Variants in ITGB5 observed in about 807,000 individuals in gnomAD.
ITGB5 encodes integrin subunit beta 5.
ITGB5 carries 38 observed loss-of-function variants against 84.8 expected under a neutral mutation model. That is an observed-to-expected ratio of 0.45 (90% CI 0.35 to 0.59). The LOEUF (loss-of-function observed/expected upper bound fraction) is 0.59. Ranked by LOEUF, ITGB5 falls within the 20% of genes least tolerant of loss-of-function variation. The pLI, the probability that ITGB5 is intolerant of heterozygous loss-of-function variation, is 0.01. For synonymous variants in ITGB5, 393 were observed against 414.4 expected (o/e 0.95, Z 0.63); for missense variants, 905 against 1,034.5 (o/e 0.87, Z 1.72).
rs866002706 is a variant in ITGB5 at position 124,796,547 on chromosome 3, G to T, written c.1534C>A (p.Leu512Met). Residue 512 changes from leucine to methionine, a missense_variant, in exon 10 of 15, where the codon CTG becomes ATG. By Grantham distance (15) the Leu-to-Met change is conservative. Around this residue, in one of 3 missense-constraint regions of ITGB5, gnomAD observed 656 missense variants for 734.7 expected, o/e 0.89. Coordinates refer to ENST00000296181, the MANE Select transcript of ITGB5 (RefSeq NM_002213.5). The part of the protein sequence containing the change: ...DGENQSVYQN[L>M]CREAEGKPLC... ...GGCTTGCCCTCTGCCTCCCGGCACA[G>T]GTTCTGGTACACGCTCTGGTTCTCC... The T allele has an allele frequency of 6.2e-7, 1 of 1,614,138 alleles. No individual in the cohort carries two copies. The highest frequency in any genetic ancestry group is 1.3e-5 in the African/African-American group (1 of 75,070).
At chr3:124,784,487 G>A (rs1285366741) in intron 10 of ITGB5, among the ~76,000 whole-genome samples, 7 of 152,204 alleles carry the variant, frequency 4.6e-5, no homozygotes, top group Admixed American at 3.3e-4. Context: ...GAGACAGTGA[G>A]ACCCTATCTC....
intron 9 of ITGB5, among the ~76,000 whole-genome samples, chr3:124,800,003 C>A (rs992097171): frequency 2.0e-5 from 3 of 152,192 alleles, no homozygotes; most frequent in Non-Finnish European, 2.9e-5. Flanking sequence ...CCCGTGGGGC[C>A]ATCAAGAATG....
At chr3:124,898,252 AG>A (rs764075589) in intron 1 of ITGB5, among the ~76,000 whole-genome samples, 4 of 151,464 alleles carry the variant, frequency 2.6e-5, no homozygotes, top group African/African-American at 7.3e-5. Context: ...TGTGGATAAC[AG>A]CAGCAAAAAA....
At chr3:124,876,259 C>T (rs1435699986) in intron 1 of ITGB5, among the ~76,000 whole-genome samples, 1 of 151,700 alleles carries the variant, frequency 6.6e-6, no homozygotes, top group Admixed American at 6.6e-5. Flanking sequence ...ATATCATATA[C>T]TGTAAATATA....
intron 10 of ITGB5, among the ~76,000 whole-genome samples, chr3:124,784,786 A>T (rs1219048186): frequency 1.3e-5 from 2 of 152,250 alleles, no homozygotes; most frequent in African/African-American, 4.8e-5. Flanking sequence ...CCTGGCAGGC[A>T]CTTCTGGGGA....
At chr3:124,778,560 G>A (rs2063957459) in intron 10 of ITGB5, among the ~76,000 whole-genome samples, 1 of 152,222 alleles carries the variant, frequency 6.6e-6, no homozygotes, top group African/African-American at 2.4e-5. Flanking sequence ...CCACAAAGCA[G>A]TGAGGACAGA....
intron 11 of ITGB5, 119 bp from the exon 12 acceptor site, chr3:124,769,232 G>T (rs2063808301): frequency 1.4e-6 from 1 of 723,058 alleles, no homozygotes; most frequent in Non-Finnish European, 2.3e-6. Context: ...AGCTGCAGAT[G>T]TTCAGCCTCA....
intron 13 of ITGB5, among the ~76,000 whole-genome samples, chr3:124,765,079 G>A (rs1337951888): frequency 6.6e-6 from 1 of 152,198 alleles, no homozygotes; most frequent in East Asian, 1.9e-4. Context: ...TGCATCCTAG[G>A]CTGGTACCAC....
intron 10 of ITGB5, chr3:124,792,766 G>A (rs1369993244): frequency 6.6e-6 from 1 of 152,174 alleles, no homozygotes; most frequent in Admixed American, 6.5e-5. Flanking sequence ...GATTGTATGG[G>A]GTGAAGGGAA....
rs746559697 is a variant in ITGB5 at position 124,766,247 on chromosome 3, G to A, written c.2116C>T (p.Leu706=). 4.3e-6 allele frequency: 7 copies of A among 1,613,980 alleles called. No individual in the cohort carries two copies. Among genetic ancestry groups the A allele is most frequent in the Middle Eastern group, 3.3e-4 (2 of 6,058 alleles). ...CTACCTGGCTCCCTGAGGACGGTCAGGTTGGACTTCCCACTGGGGAGCTCC... is the reference window on the plus strand; with the variant it reads ...CTACCTGGCTCCCTGAGGACGGTCAAGTTGGACTTCCCACTGGGGAGCTCC... ...YVELPSGKSN[L]TVLREPECGN... is the part of the protein sequence containing the mutation. The change falls in exon 13 of 15, where the codon CTG becomes TTG. Residue 706 remains leucine (L), a synonymous_variant. Coordinates refer to ENST00000296181, the MANE Select transcript of ITGB5 (RefSeq NM_002213.5).
At chr3:124,773,645 TGGCCTG>T in intron 11 of ITGB5, 39 bp downstream of exon 11, 1 of 1,583,142 alleles carries the variant, frequency 6.3e-7, no homozygotes, top group Non-Finnish European at 8.6e-7. Context: ...ACCACAGGCC[TGGCCTG>T]GGTGAGAAGT....
chr3:124,817,220 G>A (rs937493088), intron 8 of ITGB5, among the ~76,000 whole-genome samples: 3 of 152,218 alleles, frequency 2.0e-5, no homozygotes, highest in Non-Finnish European at 2.9e-5. Context: ...GTGTGGTCCT[G>A]TGGCTGGTGG....
chr3:124,834,924 C>T (rs928219992), intron 5 of ITGB5, among the ~76,000 whole-genome samples: 2 of 152,124 alleles, frequency 1.3e-5, no homozygotes, highest in African/African-American at 4.8e-5. Flanking sequence ...CATCTTTGCT[C>T]AGTGGACATT....
At chr3:124,882,566 A>AC (rs151028141) in intron 1 of ITGB5, among the ~76,000 whole-genome samples, 1,961 of 152,288 alleles carry the variant, frequency 0.013, 56 homozygotes, top group African/African-American at 0.043. Flanking sequence ...GGAGCAAAGG[A>AC]TCGAAGGGAA....
chr3:124,898,596 ATTGTGCAACTGCAC>A (rs1935154509), intron 1 of ITGB5, among the ~76,000 whole-genome samples: 1 of 122,632 alleles, frequency 8.2e-6, no homozygotes, highest in Admixed American at 1.1e-4. Flanking sequence ...GTGAGCCAAG[ATTGTGCAACTGCAC>A]TCCAGCCTAG....
intron 1 of ITGB5, among the ~76,000 whole-genome samples, chr3:124,882,286 G>A (rs1178963514): frequency 1.3e-5 from 2 of 152,212 alleles, no homozygotes; most frequent in African/African-American, 4.8e-5. Flanking sequence ...AAGAAGATAT[G>A]TAGTTACATT....
At chr3:124,893,269 G>A (rs1935037880) in intron 1 of ITGB5, among the ~76,000 whole-genome samples, 1 of 152,032 alleles carries the variant, frequency 6.6e-6, no homozygotes, top group Non-Finnish European at 1.5e-5. Context: ...TTAGCTGGAT[G>A]TGGTGGCGTG....
At chr3:124,777,326 G>A (rs1031469289) in intron 10 of ITGB5, among the ~76,000 whole-genome samples, 2 of 152,234 alleles carry the variant, frequency 1.3e-5, no homozygotes, top group African/African-American at 4.8e-5. Context: ...GCCAGTGGGA[G>A]CCACGGAGGG....
chr3:124,874,377 T>C (rs1934208406), intron 1 of ITGB5, among the ~76,000 whole-genome samples: 1 of 151,636 alleles, frequency 6.6e-6, no homozygotes. Flanking sequence ...AAAGATATCC[T>C]GTGCTCACGG....
Sources: gnomAD v4.1 joint callset for allele counts (sites outside exome capture counted in the v4.1 genomes callset) on GRCh38, gnomAD v4.1.1 for gene constraint, gnomAD v4.1.1 regional missense constraint, MANE v1.5 for transcripts, NCBI Gene and HGNC (gene_info 2026-07-23, HGNC 2026-07-21) for gene names.